The following MMP16 variants were observed in gnomAD, a reference collection of about 807,000 sequenced individuals.
MMP16 encodes the protein matrix metalloproteinase-16.
In MMP16, 12 loss-of-function variants were observed where a neutral mutation model predicts 67.8. The ratio of observed to expected loss-of-function variants is 0.18; its 90% CI spans 0.11 to 0.29. The LOEUF is 0.29. MMP16 is among the 10% of genes least tolerant of loss of function. The pLI is 1.00. For missense variants in MMP16, 475 were observed against 765.7 expected (o/e 0.62, Z 4.48); for synonymous variants, 249 against 255.9 (o/e 0.97, Z 0.26).
At chr8:88,182,567 T>A (rs1808998385) in intron 3 of MMP16, among the ~76,000 whole-genome samples, 1 of 152,026 alleles carries the variant, frequency 6.6e-6, no homozygotes, top group Non-Finnish European at 1.5e-5. Flanking sequence ...ATGCTGGGGG[T>A]GGGGCTTGTA....
chr8:88,066,991 A>G (rs1179132987), intron 7 of MMP16, among the ~76,000 whole-genome samples: 2 of 152,106 alleles, frequency 1.3e-5, no homozygotes, highest in East Asian at 3.9e-4. Context: ...TTCCAAGATG[A>G]CCACTTAGTA....
intron 6 of MMP16, among the ~76,000 whole-genome samples, chr8:88,108,413 A>G (rs959495659): frequency 6.6e-6 from 1 of 151,234 alleles, no homozygotes; most frequent in Non-Finnish European, 1.5e-5. Flanking sequence ...GCATCTTTTC[A>G]TCTAGGAGGG....
At chr8:88,191,372 T>G (rs1809166576) in intron 2 of MMP16, among the ~76,000 whole-genome samples, 1 of 152,278 alleles carries the variant, frequency 6.6e-6, no homozygotes, top group African/African-American at 2.4e-5. Context: ...ACACTTAAAA[T>G]AGTGTCTAGC....
chr8:88,127,345 G>A (rs1807952008), intron 4 of MMP16, among the ~76,000 whole-genome samples: 1 of 151,826 alleles, frequency 6.6e-6, no homozygotes, highest in Non-Finnish European at 1.5e-5. Flanking sequence ...TGAAATGATT[G>A]ATGGCAAAGA....
At chr8:88,199,849 T>C (rs1809314289) in intron 1 of MMP16, among the ~76,000 whole-genome samples, 2 of 152,016 alleles carry the variant, frequency 1.3e-5, no homozygotes, top group Admixed American at 1.3e-4. Flanking sequence ...TCCTGGATTA[T>C]TGCAAATACT....
Position 88,249,502 on chromosome 8 carries a change from T to A in MMP16, c.133-52196A>T, listed in dbSNP as rs76840461. On this transcript the variant is annotated intron_variant, in intron 1 of 9. Transcript: ENST00000286614. ...CCTAAGGGAATAGATGCATCTCCTATTCTTTACAGACAATGTCTAGCTTTC... is the reference window on the plus strand; with the variant it reads ...CCTAAGGGAATAGATGCATCTCCTAATCTTTACAGACAATGTCTAGCTTTC... 2.3e-3 allele frequency among the ~76,000 whole-genome samples: 343 copies of A among 152,236 alleles called. 1 individual carries two copies. The highest frequency in any genetic ancestry group is 5.7e-3 in the Admixed American group (87 of 15,280).
At position 88,244,026 on chromosome 8, in the gene MMP16, G is replaced by T. The variant is rs556019862; in HGVS notation, c.133-46720C>A. Among the ~76,000 whole-genome samples, 5 of 124,688 alleles carry T rather than the reference G, an allele frequency of 4.0e-5. No homozygotes were observed. In the East Asian group the frequency reaches 1.2e-3, roughly 31 times the overall value. The allele number at this position is 124,688 out of a possible 152,430, so 81.8% of individuals were successfully genotyped here. On this transcript the variant is annotated intron_variant, in intron 1 of 9. Transcript: ENST00000286614. ...GTTTTTTATTAAAGGTAACAATAAT[G>T]AAGTTTTTTTTTTTAATTCATCCAG...
At chr8:88,224,399 T>C (rs1373281119) in intron 1 of MMP16, among the ~76,000 whole-genome samples, 2 of 152,046 alleles carry the variant, frequency 1.3e-5, no homozygotes, top group Admixed American at 1.3e-4. Context: ...TGGTAACTTT[T>C]GTCCATTAAT....
chr8:88,081,493 T>C (rs192561143), intron 6 of MMP16, among the ~76,000 whole-genome samples: 7 of 152,260 alleles, frequency 4.6e-5, no homozygotes, highest in Non-Finnish European at 1.0e-4. Flanking sequence ...CTTGTGCCTG[T>C]AATCCCAGCT....
chr8:88,098,866 T>G (rs1407564154), intron 6 of MMP16, among the ~76,000 whole-genome samples: 7 of 151,914 alleles, frequency 4.6e-5, no homozygotes, highest in Admixed American at 6.6e-5. Context: ...GCAAAAATTT[T>G]TATATGTTGA....
intron 4 of MMP16, among the ~76,000 whole-genome samples, chr8:88,164,617 CTA>C (rs1808682210): frequency 6.6e-6 from 1 of 152,044 alleles, no homozygotes; most frequent in Non-Finnish European, 1.5e-5. Context: ...TTCTGAAACA[CTA>C]TTATTTTGCA....
At chr8:88,094,567 C>G (rs1808994617) in intron 6 of MMP16, among the ~76,000 whole-genome samples, 1 of 151,210 alleles carries the variant, frequency 6.6e-6, no homozygotes, top group Admixed American at 6.6e-5. Context: ...TTGCAAAGAT[C>G]TAGGGCTAAA....
chr8:88,218,197 A>T (rs1809623998), intron 1 of MMP16, among the ~76,000 whole-genome samples: 1 of 151,996 alleles, frequency 6.6e-6, no homozygotes, highest in African/African-American at 2.4e-5. Context: ...TCTGAAACAC[A>T]ATATGTTCAT....
At chr8:88,054,803 T>C (rs1188176253) in intron 8 of MMP16, among the ~76,000 whole-genome samples, 1 of 152,148 alleles carries the variant, frequency 6.6e-6, no homozygotes, top group Admixed American at 6.6e-5. Context: ...AATTGTAAAT[T>C]TCCGAATAAA....
chr8:88,267,661 AT>A (rs775664920), intron 1 of MMP16, among the ~76,000 whole-genome samples: 1 of 152,260 alleles, frequency 6.6e-6, no homozygotes, highest in Non-Finnish European at 1.5e-5. Context: ...TAGTAGAATT[AT>A]CAAAGGTAGC....
rs1437223114 is a variant in MMP16 at position 88,323,909 on chromosome 8, T to C, written c.132+3166A>G. ...TAATAATTTAGCTGCTTCTGACCAA[T>C]GAACACCTCTGATTCAGACTGCTGT... is the stretch of plus-strand genomic sequence containing the variant. On this transcript the variant is annotated intron_variant, in intron 1 of 9. Transcript: ENST00000286614. Among the ~76,000 whole-genome samples, 7 of 152,272 alleles carry C rather than the reference T, an allele frequency of 4.6e-5. No individual in the cohort carries two copies. The East Asian group carries it at 9.6e-4, about 21-fold the overall frequency.
At chr8:88,248,884 C>T (rs1810162525) in intron 1 of MMP16, among the ~76,000 whole-genome samples, 1 of 151,352 alleles carries the variant, frequency 6.6e-6, no homozygotes, top group Admixed American at 6.6e-5. Flanking sequence ...TGACCAATAT[C>T]TAATATTTAA....
intron 4 of MMP16, among the ~76,000 whole-genome samples, chr8:88,159,221 AG>A (rs2129674273): frequency 6.6e-6 from 1 of 152,246 alleles, no homozygotes; most frequent in Admixed American, 6.5e-5. Context: ...TGGTAGCTTG[AG>A]GGGGATGGCA....
At chr8:88,153,546 C>G (rs1808450392) in intron 4 of MMP16, among the ~76,000 whole-genome samples, 1 of 152,032 alleles carries the variant, frequency 6.6e-6, no homozygotes, top group African/African-American at 2.4e-5. Context: ...GAACAGAGCC[C>G]TCAGAAATAA....
Sources: gnomAD v4.1 joint callset for allele counts (sites outside exome capture counted in the v4.1 genomes callset) on GRCh38, gnomAD v4.1.1 for gene constraint, MANE v1.5 for transcripts, NCBI Gene and HGNC (gene_info 2026-07-23, HGNC 2026-07-21) for gene names.